The following HABP2 variants were observed in gnomAD, a reference collection of about 807,000 sequenced individuals.
HABP2 encodes factor VII-activating protease.
A neutral mutation model predicts 66.5 loss-of-function variants in HABP2; 65 were observed. The ratio of observed to expected loss-of-function variants is 0.98; its 90% confidence interval spans 0.80 to 1.20. HABP2 has a LOEUF of 1.20. HABP2 is among the 50% of genes most tolerant of loss of function. The pLI is 0.00. For synonymous variants in HABP2, 263 were observed against 253.9 expected, an observed-to-expected ratio of 1.04 and a Z score of -0.34; for missense variants, 786 against 691.0, an observed-to-expected ratio of 1.14 and a Z score of -1.54.
chr10:113,572,051 T>G (rs11575732), intron 2 of HABP2, among the ~76,000 whole-genome samples: 5,045 of 152,334 alleles, frequency 0.033, 189 homozygotes, highest in African/African-American at 0.092. Context: ...AAAGGATCTT[T>G]GTGACTTTCC....
chr10:113,587,732 G>T (rs1845677647), intron 12 of HABP2, among the ~76,000 whole-genome samples: 1 of 152,148 alleles, frequency 6.6e-6, no homozygotes, highest in African/African-American at 2.4e-5. Context: ...CCTGGGGGAT[G>T]GGGATCTATT....
At position 113,578,657 on chromosome 10, in the gene HABP2, A is replaced by C. The variant is rs1397054791; in HGVS notation, c.599A>C (p.Tyr200Ser). The change falls in exon 7 of 13, where the codon TAC becomes TCC. Residue 200 changes from tyrosine to serine, a missense_variant. By Grantham distance (144) the Tyr-to-Ser change is moderately radical. Coordinates refer to ENST00000351270, the MANE Select transcript of HABP2 (RefSeq NM_004132.5). ...GSDDCYVGDGYSYRGKMNRTV... is the reference protein window; with the variant it reads ...GSDDCYVGDGSSYRGKMNRTV... ...GATGACTGCTATGTTGGCGATGGCT[A>C]CTCTTACCGAGGGAAAATGAATAGG... 1.2e-6 allele frequency: 2 copies of C among 1,612,258 alleles called. No individual in the cohort carries two copies. Among genetic ancestry groups the C allele is most frequent in the African/African-American group, 1.3e-5 (1 of 74,656 alleles).
chr10:113,587,559 T>A (rs936737867), intron 12 of HABP2, among the ~76,000 whole-genome samples: 1 of 152,214 alleles, frequency 6.6e-6, no homozygotes, highest in Admixed American at 6.5e-5. Flanking sequence ...ATTCATTTTT[T>A]AAAAACCTGT....
At position 113,577,769 on chromosome 10, in the gene HABP2, T is replaced by C. The variant is rs533059134; in HGVS notation, c.449-257T>C. ...CCTGCTCCGTCCATGCTTCTTTGTTTCCTTACTGACTGACCCATCTACTTA... is the reference window on the plus strand; with the variant it reads ...CCTGCTCCGTCCATGCTTCTTTGTTCCCTTACTGACTGACCCATCTACTTA... On this transcript the variant is annotated intron_variant, in intron 5 of 12. Transcript: ENST00000351270. 4.7e-4 allele frequency among the ~76,000 whole-genome samples: 71 copies of C among 152,320 alleles called. 1 individual carries two copies. Among genetic ancestry groups the C allele is most frequent in the African/African-American group, 1.5e-3 (62 of 41,564 alleles).
chr10:113,552,807 C>T (rs1011803178), upstream of HABP2, among the ~76,000 whole-genome samples: 8 of 152,304 alleles, frequency 5.3e-5, no homozygotes, highest in African/African-American at 1.9e-4. Context: ...TGTCAGGCTT[C>T]CTGCTCGGAA....
chr10:113,587,303 C>T (rs1004542273), intron 12 of HABP2, among the ~76,000 whole-genome samples: 29 of 151,532 alleles, frequency 1.9e-4, no homozygotes, highest in Non-Finnish European at 4.0e-4. Flanking sequence ...GGCAACAAAG[C>T]GAGACCCTGT....
intron 9 of HABP2, among the ~76,000 whole-genome samples, 187 bp downstream of exon 9, chr10:113,582,318 C>T (rs1845554324): frequency 6.6e-6 from 1 of 152,218 alleles, no homozygotes; most frequent in Non-Finnish European, 1.5e-5. Context: ...ACCATGGGCA[C>T]TGCATTTATT....
At chr10:113,567,641 G>T in intron 2 of HABP2, 116 bp downstream of exon 2, 1 of 747,586 alleles carries the variant, frequency 1.3e-6, no homozygotes, top group African/African-American at 1.7e-5. Context: ...ACTGGTTCCA[G>T]GTTGTCACAG....
At chr10:113,577,459 C>T (rs141157441) in intron 5 of HABP2, among the ~76,000 whole-genome samples, 193 bp downstream of exon 5, 287 of 152,284 alleles carry the variant, frequency 1.9e-3, no homozygotes, top group Middle Eastern at 0.014. Flanking sequence ...GTCTGTGTCC[C>T]TTCCCACCCA....
chr10:113,557,523 GC>G (rs1249460231), intron 1 of HABP2, among the ~76,000 whole-genome samples: 1 of 152,158 alleles, frequency 6.6e-6, no homozygotes, highest in Non-Finnish European at 1.5e-5. Flanking sequence ...AATAAAACAT[GC>G]TTTTTCTTCA....
chr10:113,584,033 CATGGT>C, intron 10 of HABP2, 110 bp from the exon 11 acceptor site: 1 of 772,308 alleles, frequency 1.3e-6, no homozygotes, highest in Non-Finnish European at 2.2e-6. Flanking sequence ...GATTTTCAGG[CATGGT>C]GGGGGCAGGT....
chr10:113,567,929 T>C (rs3862018), intron 2 of HABP2, among the ~76,000 whole-genome samples: 101,551 of 151,968 alleles, frequency 0.67, 34,424 homozygotes, highest in East Asian at 0.86. Flanking sequence ...CCACCTCTTT[T>C]TGTGCGAGGG....
chr10:113,559,938 C>T (rs1845070766), intron 1 of HABP2, among the ~76,000 whole-genome samples: 1 of 152,182 alleles, frequency 6.6e-6, no homozygotes, highest in Non-Finnish European at 1.5e-5. Flanking sequence ...CTGAGTCCCT[C>T]CCCTGCCCCA....
At chr10:113,574,507 T>C in intron 3 of HABP2, 102 bp downstream of exon 3, 1 of 651,290 alleles carries the variant, frequency 1.5e-6, no homozygotes, top group East Asian at 2.7e-5. Flanking sequence ...CTCTGGCCAG[T>C]ATTGTGAAAT....
upstream of HABP2, among the ~76,000 whole-genome samples, chr10:113,552,675 A>G (rs1844918430): frequency 6.6e-6 from 1 of 152,118 alleles, no homozygotes; most frequent in African/African-American, 2.4e-5. Context: ...CCATGCCTTA[A>G]TTCTGTTTGA....
intron 2 of HABP2, among the ~76,000 whole-genome samples, chr10:113,572,912 A>G (rs1160423240): frequency 1.3e-5 from 2 of 152,322 alleles, no homozygotes; most frequent in African/African-American, 2.4e-5. Flanking sequence ...GAAATATAAA[A>G]CAGCCATTGT....
Position 113,563,092 on chromosome 10 carries a change from A to T in HABP2, c.70-4397A>T, listed in dbSNP as rs188965618. Among the ~76,000 whole-genome samples the T allele has an allele frequency of 3.5e-3, 527 of 152,356 alleles. 2 individuals are homozygous for T. Among genetic ancestry groups the T allele is most frequent in the African/African-American group, 0.012 (501 of 41,584 alleles). On this transcript the variant is annotated intron_variant, in intron 1 of 12. Coordinates refer to ENST00000351270, the MANE Select transcript of HABP2 (RefSeq NM_004132.5). ...GCAACAAACAAGACAAAATGTCCGT[A>T]AAATATTTAACACAGTTGATGGCAC...
chr10:113,573,316 T>A (rs1845347800), intron 2 of HABP2, among the ~76,000 whole-genome samples: 1 of 152,218 alleles, frequency 6.6e-6, no homozygotes, highest in Non-Finnish European at 1.5e-5. Context: ...TTTTTCCCAA[T>A]GACCAGTCTA....
At chr10:113,570,672 C>T (rs896425759) in intron 2 of HABP2, among the ~76,000 whole-genome samples, 20 of 152,190 alleles carry the variant, frequency 1.3e-4, no homozygotes, top group African/African-American at 4.8e-4. Context: ...TACATTTGAC[C>T]CATTTCTTAC....
Sources: allele counts gnomAD v4.1 joint callset (sites outside exome capture counted in the v4.1 genomes callset), GRCh38; gene constraint gnomAD v4.1.1; transcripts MANE v1.5; gene names NCBI Gene and HGNC (gene_info 2026-07-23, HGNC 2026-07-21).